Variants in CDH18 observed in about 807,000 individuals in gnomAD.
The protein encoded by CDH18 is cadherin-18.
Under a neutral mutation model 67.9 loss-of-function variants are expected in CDH18, and 31 were observed. The ratio of observed to expected loss-of-function variants is 0.46; its 90% CI spans 0.34 to 0.62. CDH18 has a LOEUF of 0.62. Ranked by LOEUF, CDH18 falls within the 20% of genes least tolerant of loss-of-function variation. CDH18 has a pLI of 0.01. For synonymous variants in CDH18, 362 were observed against 347.2 expected, an observed-to-expected ratio of 1.04 and a Z score of -0.48; for missense variants, 890 against 975.5, an observed-to-expected ratio of 0.91 and a Z score of 1.17.
rs576550675 is a variant in CDH18, at chr5:19,885,100, G to A, written c.-256-45858C>T. Among the ~76,000 whole-genome samples, 34 of 152,188 alleles carry A rather than the reference G, an allele frequency of 2.2e-4. No homozygotes were observed. The East Asian group carries it at 5.6e-3, about 25-fold the overall frequency. ...TTCCACTGCCTTCCATATTATGGGC[G>A]AAAAATTATTTCAAAATTAGATAAC... On this transcript the variant is annotated intron_variant, in intron 2 of 12. Coordinates refer to ENST00000382275, the MANE Select transcript of CDH18 (RefSeq NM_004934.5).
intron 4 of CDH18, among the ~76,000 whole-genome samples, chr5:19,742,590 A>C (rs960919978): frequency 3.9e-5 from 6 of 152,108 alleles, no homozygotes; most frequent in African/African-American, 1.4e-4. Flanking sequence ...GTCCAAGTCT[A>C]CGGTTCCCCT....
chr5:20,363,236 G>A (rs1032541735), intron 1 of CDH18, among the ~76,000 whole-genome samples: 4 of 152,254 alleles, frequency 2.6e-5, no homozygotes, highest in East Asian at 3.9e-4. Flanking sequence ...TGTAATCCCA[G>A]CACTTTGGGA....
intron 1 of CDH18, among the ~76,000 whole-genome samples, chr5:20,512,319 T>C (rs1054506786): frequency 1.3e-5 from 2 of 152,200 alleles, no homozygotes; most frequent in Non-Finnish European, 2.9e-5. Context: ...TAATTTTTCA[T>C]GGTCAGAATA....
At chr5:20,275,410 C>T (rs1745734838) in intron 1 of CDH18, among the ~76,000 whole-genome samples, 1 of 152,104 alleles carries the variant, frequency 6.6e-6, no homozygotes, top group Non-Finnish European at 1.5e-5. Context: ...CTGAGGCCTC[C>T]TTATCATGCT....
chr5:20,281,712 A>C (rs984972069), intron 1 of CDH18, among the ~76,000 whole-genome samples: 37 of 152,122 alleles, frequency 2.4e-4, no homozygotes, highest in African/African-American at 8.7e-4. Flanking sequence ...GTTCCATATG[A>C]ACTTTAAAAT....
chr5:20,217,837 A>G (rs1195556371), intron 2 of CDH18, among the ~76,000 whole-genome samples: 3 of 151,986 alleles, frequency 2.0e-5, no homozygotes, highest in Non-Finnish European at 2.9e-5. Flanking sequence ...CCATGAAAAC[A>G]GAAACCATAA....
chr5:19,689,796 T>C (rs1206211359), intron 5 of CDH18, among the ~76,000 whole-genome samples: 2 of 151,774 alleles, frequency 1.3e-5, no homozygotes, highest in East Asian at 1.9e-4. Context: ...TATAAATAAA[T>C]TAGACTTTTT....
At chr5:20,021,707 T>C (rs1207420274) in intron 2 of CDH18, among the ~76,000 whole-genome samples, 1 of 152,236 alleles carries the variant, frequency 6.6e-6, no homozygotes, top group African/African-American at 2.4e-5. Flanking sequence ...TCCCTGGCCA[T>C]GCTTTCTGTA....
At chr5:20,045,471 T>C (rs1363241763) in intron 2 of CDH18, among the ~76,000 whole-genome samples, 1 of 152,044 alleles carries the variant, frequency 6.6e-6, no homozygotes, top group Non-Finnish European at 1.5e-5. Context: ...AATGGTATAA[T>C]GATGACGATG....
chr5:20,400,500 A>C (rs533223084), intron 1 of CDH18, among the ~76,000 whole-genome samples: 23 of 151,718 alleles, frequency 1.5e-4, no homozygotes, highest in Non-Finnish European at 2.2e-4. Flanking sequence ...TAAATAAATA[A>C]ATACATAAAA....
At chr5:20,175,838 C>A (rs998608259) in intron 2 of CDH18, among the ~76,000 whole-genome samples, 1 of 152,054 alleles carries the variant, frequency 6.6e-6, no homozygotes, top group African/African-American at 2.4e-5. Context: ...GTGGGTCTGC[C>A]TTTCCCAGCC....
At chr5:20,327,673 T>C (rs1738734067) in intron 1 of CDH18, among the ~76,000 whole-genome samples, 2 of 152,100 alleles carry the variant, frequency 1.3e-5, no homozygotes, top group Non-Finnish European at 2.9e-5. Context: ...AGTTGAAGTA[T>C]GCATATTTTC....
At chr5:20,519,572 TAA>T (rs1755598012) in intron 1 of CDH18, among the ~76,000 whole-genome samples, 1 of 152,074 alleles carries the variant, frequency 6.6e-6, no homozygotes, top group Admixed American at 6.6e-5. Flanking sequence ...TATACATATG[TAA>T]CAAACCCGCA....
At chr5:20,321,395 TATTGTTCTCAGCC>T (rs774253708) in intron 1 of CDH18, among the ~76,000 whole-genome samples, 1 of 152,098 alleles carries the variant, frequency 6.6e-6, no homozygotes, top group Non-Finnish European at 1.5e-5. Context: ...AATTAGTATC[TATTGTTCTCAGCC>T]ATAAGCCTCC....
At position 19,628,705 on chromosome 5, in the gene CDH18, C is replaced by A. The variant is rs569359039; in HGVS notation, c.644-16104G>T. Among the ~76,000 whole-genome samples the A allele has an allele frequency of 2.0e-5, 3 of 152,076 alleles. No homozygotes were observed. In the South Asian group the frequency reaches 6.2e-4, roughly 32 times the overall value. On this transcript the variant is annotated intron_variant, in intron 5 of 12. Transcript: ENST00000382275. ...TGAGATTATGTCTCAGAGACTCAAG[C>A]AGACATATTCAGCTGGCATAACATA...
rs981998248 is a variant in CDH18, at chr5:19,878,632, A to C, written c.-256-39390T>G. ...TCTCATTCTCTCATTTAAGGCTTAC[A>C]ATTATTCAAATAGGGAGGTATCACA... On this transcript the variant is annotated intron_variant, in intron 2 of 12. Coordinates refer to ENST00000382275, the MANE Select transcript of CDH18 (RefSeq NM_004934.5). 6.6e-5 allele frequency among the ~76,000 whole-genome samples: 10 copies of C among 152,172 alleles called. No individual in the cohort carries two copies. In the South Asian group the frequency reaches 2.1e-3, roughly 32 times the overall value.
chr5:20,392,380 A>G (rs1485288951), intron 1 of CDH18, among the ~76,000 whole-genome samples: 5 of 151,962 alleles, frequency 3.3e-5, no homozygotes, highest in Non-Finnish European at 7.4e-5. Flanking sequence ...ATGATTATAT[A>G]TGATTTCAGA....
At position 19,794,033 on chromosome 5, in the gene CDH18, ATAAT is replaced by A. The variant is rs201828705; in HGVS notation, c.228+44722_228+44725del. Among the ~76,000 whole-genome samples, 7 of 152,296 alleles carry A rather than the reference ATAAT, an allele frequency of 4.6e-5. No individual in the cohort carries two copies. In the East Asian group the frequency reaches 7.7e-4, roughly 17 times the overall value. The stretch of plus-strand genomic sequence containing the variant: ...AAATATTTGATTATTTATGAATTAA[ATAAT>A]TAATATCCTCTCTAAAATTTCAAGT... On this transcript the variant is annotated intron_variant, in intron 3 of 12. Coordinates refer to ENST00000382275, the MANE Select transcript of CDH18 (RefSeq NM_004934.5).
At chr5:19,964,380 A>G (rs1797217560) in intron 2 of CDH18, among the ~76,000 whole-genome samples, 2 of 151,680 alleles carry the variant, frequency 1.3e-5, no homozygotes, top group African/African-American at 4.8e-5. Flanking sequence ...CAGGATTTCA[A>G]GACTAGCCTG....
Sources: gnomAD v4.1 joint callset for allele counts (sites outside exome capture counted in the v4.1 genomes callset) on GRCh38, gnomAD v4.1.1 for gene constraint, MANE v1.5 for transcripts, NCBI Gene and HGNC (gene_info 2026-07-23, HGNC 2026-07-21) for gene names.